The following MAGI1 variants were observed in gnomAD, a reference collection of about 807,000 sequenced individuals.
The protein encoded by MAGI1 is membrane-associated guanylate kinase, WW and PDZ domain-containing protein 1.
Under a neutral mutation model 139.9 loss-of-function variants are expected in MAGI1, and 58 were observed. The observed-to-expected ratio is 0.41, with a 90% CI of 0.34 to 0.52. The LOEUF is 0.52. MAGI1 is among the 20% of genes least tolerant of loss of function. MAGI1 has a pLI of 0.12. For missense variants in MAGI1, 1,874 were observed against 1,901.6 expected (o/e 0.99, Z 0.27); for synonymous variants, 812 against 737.9 (o/e 1.10, Z -1.63).
At chr3:65,494,349 G>A (rs1434716971) in intron 2 of MAGI1, among the ~76,000 whole-genome samples, 1 of 151,844 alleles carries the variant, frequency 6.6e-6, no homozygotes, top group Non-Finnish European at 1.5e-5. Flanking sequence ...ATGAAATAAG[G>A]CAGAGCATCC....
At chr3:65,760,989 ACATATGTAGCGCC>A (rs1368148400) in intron 1 of MAGI1, among the ~76,000 whole-genome samples, 1 of 152,178 alleles carries the variant, frequency 6.6e-6, no homozygotes, top group Non-Finnish European at 1.5e-5. Context: ...GCCATTTTAA[ACATATGTAGCGCC>A]CATAGACGGA....
At chr3:65,733,370 T>A (rs1230541465) in intron 1 of MAGI1, among the ~76,000 whole-genome samples, 1 of 152,200 alleles carries the variant, frequency 6.6e-6, no homozygotes, top group African/African-American at 2.4e-5. Context: ...GTGTTTTGTG[T>A]TTTTAAATGA....
At chr3:65,813,646 T>C (rs2041422305) in intron 1 of MAGI1, among the ~76,000 whole-genome samples, 1 of 152,198 alleles carries the variant, frequency 6.6e-6, no homozygotes, top group South Asian at 2.1e-4. Context: ...ATATGTATCA[T>C]CTTTGACCCA....
At chr3:65,595,503 A>T (rs548607962) in intron 2 of MAGI1, among the ~76,000 whole-genome samples, 38 of 152,316 alleles carry the variant, frequency 2.5e-4, no homozygotes, top group Admixed American at 2.5e-3. Flanking sequence ...GTTAAACTGA[A>T]GAGGCAGTGA....
At chr3:65,375,187 C>CTT (rs5849664) in intron 18 of MAGI1, among the ~76,000 whole-genome samples, 22 of 133,054 alleles carry the variant, frequency 1.7e-4, no homozygotes, top group African/African-American at 2.5e-4. Flanking sequence ...TTTTCTGAAA[C>CTT]TTTTTTTTTT....
At chr3:65,795,827 G>T (rs148282248) in intron 1 of MAGI1, among the ~76,000 whole-genome samples, 2 of 151,946 alleles carry the variant, frequency 1.3e-5, no homozygotes, top group East Asian at 3.9e-4. Flanking sequence ...TAGGCAGGTG[G>T]ATCACCTGAG....
At chr3:65,474,126 G>A (rs987461876) in intron 4 of MAGI1, among the ~76,000 whole-genome samples, 1 of 152,098 alleles carries the variant, frequency 6.6e-6, no homozygotes, top group African/African-American at 2.4e-5. Context: ...TTAGCCGGGT[G>A]TAGTGGCACG....
rs745667443 is a variant in MAGI1, at chr3:65,429,785, G to A, written c.1902C>T (p.Ser634=). 6.2e-6 allele frequency: 10 copies of A among 1,613,982 alleles called. No individual in the cohort carries two copies. Among genetic ancestry groups the A allele is most frequent in the Non-Finnish European group, 5.9e-6 (7 of 1,179,966 alleles). The change falls in exon 12 of 23, where the codon TCC becomes TCT. Residue 634 remains serine (S), a synonymous_variant. Coordinates refer to ENST00000402939, the MANE Select transcript of MAGI1 (RefSeq NM_001033057.2). ...YPNDTVSLAS[S]IATQPELITV... is the part of the protein sequence containing the mutation. The stretch of plus-strand genomic sequence containing the variant: ...TTATGAGTTCTGGCTGAGTGGCTAT[G>A]GAGGAAGCCAAAGAAACAGTGTCAT...
chr3:65,754,185 A>G (rs2036382361), intron 1 of MAGI1, among the ~76,000 whole-genome samples: 1 of 152,210 alleles, frequency 6.6e-6, no homozygotes, highest in Admixed American at 6.5e-5. Context: ...AGCAAAATCC[A>G]CAATTCCTTC....
intron 1 of MAGI1, among the ~76,000 whole-genome samples, chr3:65,795,381 C>G (rs537655048): frequency 5.9e-5 from 9 of 152,236 alleles, no homozygotes; most frequent in African/African-American, 2.2e-4. Flanking sequence ...CTGATACACA[C>G]AGTAACCTGG....
chr3:65,853,075 G>A (rs1476630421), intron 1 of MAGI1, among the ~76,000 whole-genome samples: 1 of 151,946 alleles, frequency 6.6e-6, no homozygotes, highest in Non-Finnish European at 1.5e-5. Flanking sequence ...CTTGAACCCA[G>A]GAGGTGGAGG....
chr3:65,997,898 CCTGT>C (rs1330295256), intron 1 of MAGI1, among the ~76,000 whole-genome samples: 4 of 152,046 alleles, frequency 2.6e-5, no homozygotes, highest in Non-Finnish European at 5.9e-5. Context: ...GTGGCTCCTG[CCTGT>C]AATCCCAGCA....
intron 2 of MAGI1, among the ~76,000 whole-genome samples, chr3:65,516,430 G>A (rs1040279763): frequency 1.3e-5 from 2 of 151,992 alleles, no homozygotes; most frequent in Non-Finnish European, 2.9e-5. Context: ...CGCCCGCCTG[G>A]CCTCCCAACG....
At chr3:65,609,234 T>C (rs2082908868) in intron 2 of MAGI1, among the ~76,000 whole-genome samples, 1 of 152,168 alleles carries the variant, frequency 6.6e-6, no homozygotes, top group South Asian at 2.1e-4. Flanking sequence ...TTAAGATTTT[T>C]ATAACTTGCT....
intron 5 of MAGI1, among the ~76,000 whole-genome samples, chr3:65,455,178 A>G (rs76027063): frequency 0.013 from 2,006 of 152,278 alleles, 47 homozygotes; most frequent in African/African-American, 0.045. Flanking sequence ...GAGATCCCAC[A>G]CACCCTTTAC....
chr3:65,402,651 A>T (rs1945003125), intron 12 of MAGI1, among the ~76,000 whole-genome samples: 1 of 151,992 alleles, frequency 6.6e-6, no homozygotes, highest in South Asian at 2.1e-4. Context: ...GACGATCTCA[A>T]CTCTTTTGGA....
At chr3:65,464,346 T>C (rs934777842) in intron 5 of MAGI1, among the ~76,000 whole-genome samples, 1 of 152,068 alleles carries the variant, frequency 6.6e-6, no homozygotes, top group Non-Finnish European at 1.5e-5. Flanking sequence ...ATTTGAGACT[T>C]TTCCTCTTTT....
At chr3:65,851,371 A>C (rs972653647) in intron 1 of MAGI1, among the ~76,000 whole-genome samples, 2 of 152,168 alleles carry the variant, frequency 1.3e-5, no homozygotes, top group African/African-American at 2.4e-5. Flanking sequence ...CCACACAATG[A>C]CTTATGAGTA....
intron 1 of MAGI1, among the ~76,000 whole-genome samples, chr3:65,829,878 A>T (rs1054271520): frequency 2.6e-5 from 4 of 152,170 alleles, no homozygotes; most frequent in African/African-American, 9.7e-5. Flanking sequence ...TGGCAAAACT[A>T]TGGCATGGAT....
Sources: allele counts gnomAD v4.1 joint callset (sites outside exome capture counted in the v4.1 genomes callset), GRCh38; gene constraint gnomAD v4.1.1; transcripts MANE v1.5; gene names NCBI Gene and HGNC (gene_info 2026-07-23, HGNC 2026-07-21).